Variants in KHDRBS2 observed in about 807,000 individuals in gnomAD.
The protein encoded by KHDRBS2 is KH domain-containing, RNA-binding, signal transduction-associated protein 2.
Under a neutral mutation model 44.3 loss-of-function variants are expected in KHDRBS2, and 26 were observed. The ratio of observed to expected loss-of-function variants is 0.59; its 90% confidence interval spans 0.43 to 0.81. KHDRBS2 has a LOEUF of 0.81. Ranked by LOEUF, KHDRBS2 falls within the 40% of genes least tolerant of loss-of-function variation. The probability of loss-of-function intolerance (pLI) is 0.00; values close to 1 mark genes in which losing one functional copy is unlikely to be tolerated. For missense variants in KHDRBS2, 476 were observed against 433.1 expected, an observed-to-expected ratio of 1.10 and a Z score of -0.88; for synonymous variants, 194 against 151.1, an observed-to-expected ratio of 1.28 and a Z score of -2.08.
At chr6:61,816,408 A>C (rs1788942338) in intron 6 of KHDRBS2, among the ~76,000 whole-genome samples, 2 of 152,070 alleles carry the variant, frequency 1.3e-5, no homozygotes, top group Admixed American at 6.6e-5. Flanking sequence ...TACAGCGAGA[A>C]TACATGTGTA....
chr6:61,587,862 A>G, the KHDRBS2 span, among the ~76,000 whole-genome samples: 89,885 of 151,644 alleles, frequency 0.59, 26,791 homozygotes, highest in African/African-American at 0.62. Flanking sequence ...CCTTCCAGAG[A>G]TTGATGTTAC....
the KHDRBS2 span, among the ~76,000 whole-genome samples, chr6:61,570,893 G>A: frequency 6.6e-6 from 1 of 151,798 alleles, no homozygotes; most frequent in African/African-American, 2.4e-5. Context: ...ACTACCAAAA[G>A]CATACAAGAA....
At chr6:61,552,752 T>C in the KHDRBS2 span, among the ~76,000 whole-genome samples, 1 of 152,174 alleles carries the variant, frequency 6.6e-6, no homozygotes, top group Admixed American at 6.5e-5. Context: ...TGTAACAAAA[T>C]AATCATGTGG....
intron 1 of KHDRBS2, among the ~76,000 whole-genome samples, chr6:62,214,997 A>G (rs1829732608): frequency 6.6e-6 from 1 of 151,706 alleles, no homozygotes; most frequent in South Asian, 2.1e-4. Context: ...AGATAAAAAA[A>G]TTTAAAATCC....
chr6:61,905,489 C>T (rs1478951583), intron 4 of KHDRBS2, among the ~76,000 whole-genome samples: 5 of 151,918 alleles, frequency 3.3e-5, no homozygotes, highest in Admixed American at 6.6e-5. Context: ...ATATTTGATT[C>T]GAATAACCTT....
At chr6:62,274,924 T>C (rs1404264513) in intron 1 of KHDRBS2, among the ~76,000 whole-genome samples, 1 of 151,876 alleles carries the variant, frequency 6.6e-6, no homozygotes, top group Admixed American at 6.6e-5. Flanking sequence ...ACACAATATA[T>C]ACATATATCG....
Position 61,894,682 on chromosome 6 carries a change from C to CTGG in KHDRBS2, c.760_762dup (p.Pro254dup), listed in dbSNP as rs775408732. 1.2e-6 allele frequency: 2 copies of CTGG among 1,613,358 alleles called. No individual in the cohort carries two copies. Among genetic ancestry groups the CTGG allele is most frequent in the Non-Finnish European group, 1.7e-6 (2 of 1,179,756 alleles). On this transcript the variant is annotated inframe_insertion, in exon 6 of 9. Coordinates refer to ENST00000281156, the MANE Select transcript of KHDRBS2 (RefSeq NM_152688.4). ...GCTGGAGGAGGAGGTGCCCTGTATC[C>CTGG]TGGCACTGTTGGTGCCCCCCGGGCT... is the stretch of plus-strand genomic sequence containing the variant.
chr6:62,196,423 A>G (rs1230067619), intron 1 of KHDRBS2, among the ~76,000 whole-genome samples: 1 of 152,140 alleles, frequency 6.6e-6, no homozygotes, highest in Non-Finnish European at 1.5e-5. Context: ...ACAGATAGGT[A>G]TGGGAAGACC....
At chr6:62,156,399 C>T (rs1397083508) in intron 2 of KHDRBS2, among the ~76,000 whole-genome samples, 2 of 151,900 alleles carry the variant, frequency 1.3e-5, no homozygotes. Context: ...TTGGCCAGTT[C>T]GGTAGACTTA....
intron 4 of KHDRBS2, among the ~76,000 whole-genome samples, chr6:61,922,051 T>C (rs1808168963): frequency 6.6e-6 from 1 of 152,002 alleles, no homozygotes; most frequent in African/African-American, 2.4e-5. Context: ...TCATTTTATA[T>C]GTATTAGCCA....
At chr6:61,886,006 T>C (rs1375969692) in intron 6 of KHDRBS2, among the ~76,000 whole-genome samples, 5 of 152,148 alleles carry the variant, frequency 3.3e-5, no homozygotes, top group African/African-American at 1.2e-4. Context: ...GCTTTACCTT[T>C]GGCCTGAATA....
At chr6:61,991,357 C>T (rs1020236721) in intron 3 of KHDRBS2, among the ~76,000 whole-genome samples, 1 of 152,114 alleles carries the variant, frequency 6.6e-6, no homozygotes, top group Non-Finnish European at 1.5e-5. Context: ...CACGCTGAGT[C>T]TTAGGGTAGT....
At chr6:62,100,829 T>C (rs1380227928) in intron 2 of KHDRBS2, among the ~76,000 whole-genome samples, 2 of 152,252 alleles carry the variant, frequency 1.3e-5, no homozygotes, top group African/African-American at 4.8e-5. Context: ...ATATTCATTT[T>C]ATTGTGGTGG....
At chr6:61,708,245 CTT>C (rs964528070) in intron 7 of KHDRBS2, among the ~76,000 whole-genome samples, 2 of 151,484 alleles carry the variant, frequency 1.3e-5, no homozygotes, top group African/African-American at 4.8e-5. Flanking sequence ...CCCTAAATAA[CTT>C]TTATTTTACA....
At chr6:61,723,400 G>T (rs1488470896) in intron 7 of KHDRBS2, among the ~76,000 whole-genome samples, 1 of 152,130 alleles carries the variant, frequency 6.6e-6, no homozygotes, top group African/African-American at 2.4e-5. Flanking sequence ...TGAATTGACA[G>T]AAGTAGACTT....
chr6:61,635,058 T>C, the KHDRBS2 span, among the ~76,000 whole-genome samples: 7 of 152,038 alleles, frequency 4.6e-5, no homozygotes, highest in African/African-American at 7.2e-5. Context: ...GAGATGAAAT[T>C]TTCTCCATCA....
intron 2 of KHDRBS2, among the ~76,000 whole-genome samples, chr6:62,091,287 A>T (rs202193252): frequency 1.3e-5 from 2 of 152,000 alleles, no homozygotes; most frequent in South Asian, 2.1e-4. Flanking sequence ...AGTATTTTTT[A>T]TTTTTCATTA....
At chr6:62,253,229 G>A (rs573415421) in intron 1 of KHDRBS2, among the ~76,000 whole-genome samples, 4 of 152,132 alleles carry the variant, frequency 2.6e-5, no homozygotes, top group South Asian at 4.1e-4. Flanking sequence ...TTGGTATACA[G>A]TAATGCTATC....
At chr6:62,213,237 A>G (rs1229923196) in intron 1 of KHDRBS2, among the ~76,000 whole-genome samples, 1 of 152,112 alleles carries the variant, frequency 6.6e-6, no homozygotes, top group Non-Finnish European at 1.5e-5. Flanking sequence ...CCTTTCATTG[A>G]GATGATTATT....
Sources: allele counts gnomAD v4.1 joint callset (sites outside exome capture counted in the v4.1 genomes callset), GRCh38; gene constraint gnomAD v4.1.1; transcripts MANE v1.5; gene names NCBI Gene and HGNC (gene_info 2026-07-23, HGNC 2026-07-21).